Variants in NOS1AP observed in about 807,000 individuals in gnomAD.
The protein encoded by NOS1AP is nitric oxide synthase 1 adaptor protein.
NOS1AP carries 21 observed loss-of-function variants against 56.2 expected under a neutral mutation model. The ratio of observed to expected loss-of-function variants is 0.37; its 90% CI spans 0.26 to 0.54. The LOEUF is 0.54. NOS1AP is among the 20% of genes least tolerant of loss of function. NOS1AP has a pLI of 0.84. For synonymous variants in NOS1AP, 270 were observed against 274.6 expected (o/e 0.98, Z 0.17); for missense variants, 522 against 657.8 (o/e 0.79, Z 2.26).
chr1:162,194,642 A>C (rs1326427245), intron 2 of NOS1AP, among the ~76,000 whole-genome samples: 1 of 152,158 alleles, frequency 6.6e-6, no homozygotes, highest in African/African-American at 2.4e-5. Flanking sequence ...GAGCACATAA[A>C]AGCTGTCCTG....
Position 162,159,989 on chromosome 1 carries a change from A to T in NOS1AP, c.177+5513A>T, listed in dbSNP as rs542667462. 5.9e-5 allele frequency among the ~76,000 whole-genome samples: 9 copies of T among 152,242 alleles called. 2 individuals are homozygous for T. Among genetic ancestry groups the T allele is most frequent in the African/African-American group, 2.2e-4 (9 of 41,536 alleles). On this transcript the variant is annotated intron_variant, in intron 2 of 9. Coordinates refer to ENST00000361897, the MANE Select transcript of NOS1AP (RefSeq NM_014697.3). Reference sequence around the variant, plus strand: ...CTGGGGGCTTTCAGTGCTGTCCGTGAGGCTGGAGACTTGATTTCTTGCTCT... The same window carrying T: ...CTGGGGGCTTTCAGTGCTGTCCGTGTGGCTGGAGACTTGATTTCTTGCTCT...
At chr1:162,186,393 A>G (rs1333626258) in intron 2 of NOS1AP, among the ~76,000 whole-genome samples, 1 of 152,032 alleles carries the variant, frequency 6.6e-6, no homozygotes, top group African/African-American at 2.4e-5. Context: ...GAAAAGATGA[A>G]GAAAAAAAAC....
chr1:162,232,201 A>G (rs1557841772), intron 2 of NOS1AP, among the ~76,000 whole-genome samples: 1 of 152,224 alleles, frequency 6.6e-6, no homozygotes, highest in Non-Finnish European at 1.5e-5. Context: ...GTAAAGTGCA[A>G]AGATCTTGCC....
chr1:162,184,798 G>C (rs917279310), intron 2 of NOS1AP, among the ~76,000 whole-genome samples: 1 of 152,228 alleles, frequency 6.6e-6, no homozygotes, highest in Non-Finnish European at 1.5e-5. Flanking sequence ...CCAAGCTGTA[G>C]TCCTCTTTAT....
chr1:162,302,220 T>C (rs1405883996), intron 4 of NOS1AP, among the ~76,000 whole-genome samples: 1 of 152,226 alleles, frequency 6.6e-6, no homozygotes, highest in Admixed American at 6.5e-5. Context: ...GAGGGAAAAA[T>C]CTATGCCCTT....
At chr1:162,187,143 T>G (rs1651463061) in intron 2 of NOS1AP, among the ~76,000 whole-genome samples, 1 of 152,066 alleles carries the variant, frequency 6.6e-6, no homozygotes, top group African/African-American at 2.4e-5. Flanking sequence ...TTTTTTGTAT[T>G]TTTTGTAAAG....
In NOS1AP at chr1:162,127,392, G is replaced by A. The variant is rs184486558; in HGVS notation, c.106-27013G>A. Among the ~76,000 whole-genome samples, 64 of 152,142 alleles carry A rather than the reference G, an allele frequency of 4.2e-4. 1 individual carries two copies. Among genetic ancestry groups the A allele is most frequent in the African/African-American group, 1.2e-3 (50 of 41,510 alleles). On this transcript the variant is annotated intron_variant, in intron 1 of 9. Transcript: ENST00000361897. The stretch of plus-strand genomic sequence containing the variant: ...ATAGTTCTTTATACACATAAACACC[G>A]TTTTACTATTCCATCTGAAAATAAA...
chr1:162,163,169 G>A (rs1465741556), intron 2 of NOS1AP, among the ~76,000 whole-genome samples: 2 of 152,126 alleles, frequency 1.3e-5, no homozygotes, highest in African/African-American at 4.8e-5. Context: ...ACATTCCATA[G>A]CATGGCTATA....
intron 6 of NOS1AP, among the ~76,000 whole-genome samples, chr1:162,348,934 C>T (rs529573260): frequency 5.9e-5 from 9 of 152,316 alleles, no homozygotes; most frequent in Admixed American, 1.3e-4. Context: ...GCCTGTAATC[C>T]CAGCACTTTG....
chr1:162,244,734 T>C (rs1346486348), intron 2 of NOS1AP, among the ~76,000 whole-genome samples: 2 of 152,170 alleles, frequency 1.3e-5, no homozygotes, highest in African/African-American at 4.8e-5. Context: ...CTCTACCCAT[T>C]GGGTGCCAGT....
chr1:162,107,430 C>T (rs1647557073), intron 1 of NOS1AP, among the ~76,000 whole-genome samples: 1 of 152,180 alleles, frequency 6.6e-6, no homozygotes, highest in South Asian at 2.1e-4. Context: ...AACTCCTAGG[C>T]TCAAGTGATC....
intron 1 of NOS1AP, among the ~76,000 whole-genome samples, chr1:162,100,085 A>G (rs1297184087): frequency 1.7e-4 from 26 of 152,172 alleles, no homozygotes; most frequent in Admixed American, 1.7e-3. Flanking sequence ...TAGTGCCGCA[A>G]TAAGCATACG....
chr1:162,290,942 C>T (rs1412252772), intron 3 of NOS1AP, among the ~76,000 whole-genome samples: 1 of 151,892 alleles, frequency 6.6e-6, no homozygotes, highest in East Asian at 1.9e-4. Context: ...TCTGTGCCAG[C>T]TCTGGAACCA....
At chr1:162,128,087 C>T (rs942771266) in intron 1 of NOS1AP, among the ~76,000 whole-genome samples, 4 of 151,778 alleles carry the variant, frequency 2.6e-5, no homozygotes, top group Non-Finnish European at 5.9e-5. Flanking sequence ...AGATTTTGGT[C>T]AATTGCAGGG....
chr1:162,249,441 T>C (rs1653779434), intron 2 of NOS1AP, among the ~76,000 whole-genome samples: 1 of 152,222 alleles, frequency 6.6e-6, no homozygotes, highest in Non-Finnish European at 1.5e-5. Context: ...GGGCAGCTTG[T>C]AAGAATCCCT....
At chr1:162,336,038 C>T (rs2101798785) in intron 5 of NOS1AP, among the ~76,000 whole-genome samples, 1 of 152,272 alleles carries the variant, frequency 6.6e-6, no homozygotes, top group South Asian at 2.1e-4. Context: ...AGTGGGCTTT[C>T]ACCAGAAGCT....
At chr1:162,303,486 G>A (rs78587533) in intron 4 of NOS1AP, among the ~76,000 whole-genome samples, 1,975 of 152,274 alleles carry the variant, frequency 0.013, 20 homozygotes, top group Non-Finnish European at 0.02. Context: ...TGTCACCCAG[G>A]CTGGAGTACC....
rs139298226 is a variant in NOS1AP, at chr1:162,102,578, T to A, written c.105+32296T>A. On this transcript the variant is annotated intron_variant, in intron 1 of 9. Transcript: ENST00000361897. ...GGTGTGAATCCATGTGGTCCTGAGC[T>A]TTTTTTGGTTGGTAGGCTATTTCTC... is the stretch of plus-strand genomic sequence containing the variant. Among the ~76,000 whole-genome samples, 299 of 152,280 alleles carry A rather than the reference T, an allele frequency of 2.0e-3. 3 individuals carry two copies. The highest frequency in any genetic ancestry group is 0.014 in the Admixed American group (217 of 15,294).
chr1:162,264,446 T>TCTCCTCTCCTCTCCTCTCCTCTCC (rs1557855253), intron 2 of NOS1AP, among the ~76,000 whole-genome samples: 1 of 1,528 alleles, frequency 6.5e-4, no homozygotes, highest in Admixed American at 8.1e-3. Context: ...TTCTCTTCTC[T>TCTCCTCTCCTCTCCTCTCCTCTCC]TCTCTTCTCT....
Sources: gnomAD v4.1 joint callset for allele counts (sites outside exome capture counted in the v4.1 genomes callset) on GRCh38, gnomAD v4.1.1 for gene constraint, MANE v1.5 for transcripts, NCBI Gene and HGNC (gene_info 2026-07-23, HGNC 2026-07-21) for gene names.